Variants in SPATS2 observed in about 807,000 individuals in gnomAD.
SPATS2 encodes the protein spermatogenesis-associated serine-rich protein 2.
In SPATS2, 38 loss-of-function variants were observed where a neutral mutation model predicts 63.7. The ratio of observed to expected loss-of-function variants is 0.60; its 90% CI spans 0.46 to 0.78. The LOEUF (loss-of-function observed/expected upper bound fraction) is 0.78. Ranked by LOEUF, SPATS2 falls within the 30% of genes least tolerant of loss-of-function variation. The pLI is 0.00. For missense variants in SPATS2, 588 were observed against 666.2 expected, an observed-to-expected ratio of 0.88 and a Z score of 1.29; for synonymous variants, 207 against 232.9, an observed-to-expected ratio of 0.89 and a Z score of 1.01.
At chr12:49,414,935 C>CT (rs199648430) in intron 2 of SPATS2, among the ~76,000 whole-genome samples, 13,033 of 135,364 alleles carry the variant, frequency 0.096, 873 homozygotes, top group African/African-American at 0.16. Flanking sequence ...TTTTCTTTTT[C>CT]TTTTCTTTTT....
intron 2 of SPATS2, among the ~76,000 whole-genome samples, chr12:49,402,128 C>A (rs2137303749): frequency 6.6e-6 from 1 of 152,310 alleles, no homozygotes; most frequent in South Asian, 2.1e-4. Flanking sequence ...AGGCATGCAC[C>A]ACCATGCCCA....
intron 9 of SPATS2, among the ~76,000 whole-genome samples, chr12:49,514,103 G>C (rs753452448): frequency 4.0e-5 from 6 of 150,732 alleles, no homozygotes; most frequent in Non-Finnish European, 5.9e-5. Flanking sequence ...CTTGCAGTGA[G>C]CCAAGATCGC....
intron 2 of SPATS2, among the ~76,000 whole-genome samples, chr12:49,406,933 C>A (rs1055464495): frequency 2.6e-5 from 4 of 152,148 alleles, no homozygotes; most frequent in African/African-American, 9.7e-5. Context: ...ACTTGTGTAT[C>A]CCACTGGCCA....
At chr12:49,445,829 T>C (rs1017750271) in intron 2 of SPATS2, among the ~76,000 whole-genome samples, 18 of 151,916 alleles carry the variant, frequency 1.2e-4, no homozygotes, top group East Asian at 5.9e-4. Context: ...CTGGCCTGGC[T>C]TGCTAATATT....
intron 12 of SPATS2, among the ~76,000 whole-genome samples, chr12:49,523,623 T>C (rs886848554): frequency 6.6e-6 from 1 of 152,220 alleles, no homozygotes; most frequent in Non-Finnish European, 1.5e-5. Context: ...TGTCAAACCC[T>C]GAACTCAGCC....
intron 3 of SPATS2, among the ~76,000 whole-genome samples, chr12:49,471,243 G>A (rs1946029161): frequency 6.6e-6 from 1 of 152,162 alleles, no homozygotes; most frequent in African/African-American, 2.4e-5. Flanking sequence ...CTGCTGTTAT[G>A]GTGGTCTGTT....
At chr12:49,381,464 C>CGTAT (rs1220259374) in intron 2 of SPATS2, among the ~76,000 whole-genome samples, 6 of 152,138 alleles carry the variant, frequency 3.9e-5, no homozygotes, top group African/African-American at 1.4e-4. Context: ...AGTGTTGATA[C>CGTAT]TTTGCTTTTA....
intron 9 of SPATS2, chr12:49,512,785 G>A: frequency 9.8e-7 from 1 of 1,022,462 alleles, no homozygotes; most frequent in Non-Finnish European, 1.3e-6. Flanking sequence ...AAGGTGATTT[G>A]GCAACATAAG....
intron 2 of SPATS2, among the ~76,000 whole-genome samples, chr12:49,460,039 C>T (rs1052889533): frequency 3.3e-5 from 5 of 150,944 alleles, no homozygotes; most frequent in Admixed American, 6.6e-5. Flanking sequence ...ACCTGGGAGG[C>T]GGAGTTTGCA....
intron 2 of SPATS2, among the ~76,000 whole-genome samples, chr12:49,423,812 A>G (rs1247213484): frequency 4.6e-5 from 7 of 152,206 alleles, no homozygotes; most frequent in Non-Finnish European, 8.8e-5. Context: ...CCTATGATTT[A>G]TATCAGAGTC....
At chr12:49,500,870 T>A (rs1339846462) in intron 9 of SPATS2, among the ~76,000 whole-genome samples, 1 of 152,102 alleles carries the variant, frequency 6.6e-6, no homozygotes, top group East Asian at 1.9e-4. Flanking sequence ...GTAGAAAAAA[T>A]CTGTCTTTGC....
intron 2 of SPATS2, among the ~76,000 whole-genome samples, chr12:49,386,412 C>T (rs368414237): frequency 2.0e-5 from 3 of 152,202 alleles, no homozygotes; most frequent in South Asian, 2.1e-4. Context: ...GTGATCTGCC[C>T]GCCTTGGCCT....
intron 9 of SPATS2, among the ~76,000 whole-genome samples, chr12:49,504,033 A>G (rs1446743671): frequency 6.6e-6 from 1 of 152,198 alleles, no homozygotes; most frequent in African/African-American, 2.4e-5. Flanking sequence ...ACCTTATTTC[A>G]ATGTTCCTTG....
At chr12:49,432,691 A>G (rs1041073761) in intron 2 of SPATS2, among the ~76,000 whole-genome samples, 4 of 152,172 alleles carry the variant, frequency 2.6e-5, no homozygotes, top group African/African-American at 9.7e-5. Flanking sequence ...TCTTTTTGCA[A>G]CTGGCTTGTT....
intron 2 of SPATS2, among the ~76,000 whole-genome samples, chr12:49,376,833 C>G (rs1010187717): frequency 6.7e-6 from 1 of 149,872 alleles, no homozygotes; most frequent in Non-Finnish European, 1.5e-5. Context: ...ATTCTCCTGC[C>G]TCAGCCTCCT....
At chr12:49,402,873 C>T (rs1362507634) in intron 2 of SPATS2, among the ~76,000 whole-genome samples, 2 of 152,104 alleles carry the variant, frequency 1.3e-5, no homozygotes, top group Non-Finnish European at 2.9e-5. Flanking sequence ...AGAGAGAAAA[C>T]ACTACGGATA....
rs77524541 is a variant in SPATS2 at position 49,407,634 on chromosome 12, G to A, written c.-244+36344G>A. On this transcript the variant is annotated intron_variant, in intron 2 of 13. Transcript: ENST00000552918. Reference sequence around the variant, plus strand: ...CAGGCTGAAATGTCACCATATTGGTGAGGCCCTGGCTCTCTATCGCCTTTA... The same window carrying A: ...CAGGCTGAAATGTCACCATATTGGTAAGGCCCTGGCTCTCTATCGCCTTTA... 2.4e-4 allele frequency among the ~76,000 whole-genome samples: 36 copies of A among 152,288 alleles called. No homozygotes were observed. In the East Asian group the frequency reaches 2.5e-3, roughly 11 times the overall value.
intron 2 of SPATS2, among the ~76,000 whole-genome samples, chr12:49,399,631 CAG>C (rs936060739): frequency 5.9e-5 from 9 of 152,174 alleles, no homozygotes; most frequent in South Asian, 2.1e-4. Context: ...AAAATTTAAA[CAG>C]AGATTCTAAT....
At chr12:49,522,933 A>AT (rs1946967570) in intron 12 of SPATS2, 80 bp downstream of exon 12, 2 of 1,196,758 alleles carry the variant, frequency 1.7e-6, no homozygotes. Context: ...TTCACCACTG[A>AT]TTCCTCATTA....
Sources: gnomAD v4.1 joint callset for allele counts (sites outside exome capture counted in the v4.1 genomes callset) on GRCh38, gnomAD v4.1.1 for gene constraint, MANE v1.5 for transcripts, NCBI Gene and HGNC (gene_info 2026-07-23, HGNC 2026-07-21) for gene names.